The following ESF1 variants were observed in gnomAD, a reference collection of about 807,000 sequenced individuals.
ESF1 encodes the protein ESF1 homolog.
ESF1 carries 58 observed loss-of-function variants against 92.0 expected under a neutral mutation model. The observed-to-expected ratio is 0.63, with a 90% confidence interval of 0.51 to 0.78. ESF1 has a LOEUF of 0.78. ESF1 is among the 30% of genes least tolerant of loss of function. The pLI is 0.00. For missense variants in ESF1, 922 were observed against 989.1 expected (o/e 0.93, Z 0.91); for synonymous variants, 321 against 313.7 (o/e 1.02, Z -0.24).
In ESF1 at chr20:13,739,086, T is replaced by C. The variant is rs76196763; in HGVS notation, c.1829-5244A>G. Among the ~76,000 whole-genome samples, 931 of 152,296 alleles carry C rather than the reference T, an allele frequency of 6.1e-3. 6 individuals carry two copies. The highest frequency in any genetic ancestry group is 0.021 in the African/African-American group (881 of 41,568). On this transcript the variant is annotated intron_variant, in intron 9 of 13. Coordinates refer to ENST00000617257, the MANE Select transcript of ESF1 (RefSeq NM_001276380.2). The stretch of plus-strand genomic sequence containing the variant: ...ATGAGGGTACAGGAAGCTGCTTAGA[T>C]AGGCAATTGCTTCTTATATAACCCT...
intron 4 of ESF1, among the ~76,000 whole-genome samples, chr20:13,774,875 C>T (rs920772736): frequency 6.6e-6 from 1 of 152,002 alleles, no homozygotes; most frequent in African/African-American, 2.4e-5. Flanking sequence ...ATAAGGAATG[C>T]AATTTATTGT....
At chr20:13,728,321 G>A in intron 11 of ESF1, 57 bp downstream of exon 11, 1 of 1,331,046 alleles carries the variant, frequency 7.5e-7, no homozygotes, top group Non-Finnish European at 1.1e-6. Context: ...TTGCTTCCAT[G>A]TACCTCACCT....
intron 4 of ESF1, among the ~76,000 whole-genome samples, chr20:13,774,094 CAA>C (rs1346458775): frequency 7.4e-6 from 1 of 135,170 alleles, no homozygotes; most frequent in Admixed American, 7.5e-5. Context: ...GACTCCATCT[CAA>C]AAAAAAAAAA....
intron 4 of ESF1, 140 bp downstream of exon 4, chr20:13,775,017 T>G (rs183967502): frequency 1.8e-6 from 1 of 568,944 alleles, no homozygotes; most frequent in East Asian, 2.9e-5. Flanking sequence ...ACCTGTTACA[T>G]AAGTTTCACA....
chr20:13,749,297 C>T (rs1228797388), intron 9 of ESF1, among the ~76,000 whole-genome samples: 9 of 140,750 alleles, frequency 6.4e-5, no homozygotes, highest in South Asian at 4.5e-4. Context: ...TGTTGTGATC[C>T]ACCCACCTTG....
chr20:13,771,674 A>C (rs967690068), intron 5 of ESF1, among the ~76,000 whole-genome samples, 191 bp from the exon 6 acceptor site: 19 of 152,114 alleles, frequency 1.2e-4, no homozygotes, highest in Non-Finnish European at 2.2e-4. Flanking sequence ...CAAGGTACAG[A>C]TATTTGGATT....
chr20:13,757,677 T>G (rs1269604251), intron 9 of ESF1, among the ~76,000 whole-genome samples: 2 of 152,220 alleles, frequency 1.3e-5, no homozygotes, highest in Non-Finnish European at 2.9e-5. Context: ...GTGTTGGGAT[T>G]ACAGGTGTGA....
chr20:13,772,766 G>T, intron 4 of ESF1, 151 bp from the exon 5 acceptor site: 1 of 567,656 alleles, frequency 1.8e-6, no homozygotes, highest in Non-Finnish European at 3.1e-6. Flanking sequence ...GGAAGCTAGA[G>T]CATCTTGAGA....
chr20:13,766,777 C>G lies in ESF1; in HGVS notation c.1666G>C (p.Gly556Arg). The G allele has an allele frequency of 6.2e-7, 1 of 1,612,972 alleles. No individual in the cohort carries two copies. Among genetic ancestry groups the G allele is most frequent in the South Asian group, 1.1e-5 (1 of 91,006 alleles). The change falls in exon 8 of 14, where the codon GGT becomes CGT. Residue 556 changes from glycine (G) to arginine (R), a missense_variant and splice_region_variant. By Grantham distance (125) the Gly-to-Arg change is moderately radical (BLOSUM62 -2). Coordinates refer to ENST00000617257, the MANE Select transcript of ESF1 (RefSeq NM_001276380.2). ...DEEEIEEELQ[G>R]DDGVNVEEDG... ...ATGGTCACTGAAAGATTAACAATAC[C>G]TTGTAGCTCCTCTTCTATCTCCTCT...
intron 2 of ESF1, among the ~76,000 whole-genome samples, chr20:13,782,010 G>A (rs1203350962): frequency 6.6e-6 from 1 of 152,142 alleles, no homozygotes; most frequent in Non-Finnish European, 1.5e-5. Flanking sequence ...CCGAATAGCT[G>A]GGACTACAGG....
intron 9 of ESF1, among the ~76,000 whole-genome samples, chr20:13,753,442 T>C (rs1386138329): frequency 1.3e-5 from 2 of 149,714 alleles, no homozygotes; most frequent in African/African-American, 4.9e-5. Context: ...CAGGCTATAC[T>C]AGATAGACTA....
rs2049808642 is a variant in ESF1 at position 13,714,418 on chromosome 20, G to A, written c.*456C>T. On this transcript the variant is annotated 3_prime_UTR_variant, in exon 14 of 14. Transcript: ENST00000617257. Reference sequence around the variant, plus strand: ...AAAGTTCTTGACTTCCATCCTTTATGGCTAGAAAAATAAATTATTTTAATA... The same window carrying A: ...AAAGTTCTTGACTTCCATCCTTTATAGCTAGAAAAATAAATTATTTTAATA... 6.6e-6 allele frequency: 1 copy of A among 152,088 alleles called. No homozygotes were observed. The highest frequency in any genetic ancestry group is 2.4e-5 in the African/African-American group (1 of 41,358). 9.4% of individuals were successfully genotyped at this position (152,088 alleles called of 1,614,324 possible).
intron 10 of ESF1, among the ~76,000 whole-genome samples, chr20:13,733,324 T>C (rs1190819417): frequency 2.0e-5 from 3 of 152,218 alleles, no homozygotes; most frequent in Non-Finnish European, 2.9e-5. Context: ...AGATGGAAAG[T>C]ATGGCATAAT....
chr20:13,717,053 G>A (rs911674301), intron 13 of ESF1, among the ~76,000 whole-genome samples: 2 of 151,684 alleles, frequency 1.3e-5, no homozygotes, highest in East Asian at 1.9e-4. Flanking sequence ...TCCTGACCTC[G>A]TGATCTGCCC....
chr20:13,759,290 CTA>C (rs745543601), intron 9 of ESF1, among the ~76,000 whole-genome samples: 6 of 152,170 alleles, frequency 3.9e-5, no homozygotes, highest in African/African-American at 7.2e-5. Flanking sequence ...AAATCGAAGA[CTA>C]TGTAATACAT....
intron 9 of ESF1, among the ~76,000 whole-genome samples, chr20:13,755,771 T>C (rs1412023027): frequency 6.6e-6 from 1 of 152,212 alleles, no homozygotes. Context: ...AAACCTGTTA[T>C]CAGTTCCCTT....
At chr20:13,748,592 A>ATATATATATATATATATTTT (rs1331098586) in intron 9 of ESF1, among the ~76,000 whole-genome samples, 1 of 95,740 alleles carries the variant, frequency 1.0e-5, no homozygotes, top group African/African-American at 6.4e-5. Context: ...ATATATATAT[A>ATATATATATATATATATTTT]TTTTTTTTTT....
intron 9 of ESF1, among the ~76,000 whole-genome samples, chr20:13,745,610 C>T (rs2050043258): frequency 6.6e-6 from 1 of 152,264 alleles, no homozygotes; most frequent in South Asian, 2.1e-4. Flanking sequence ...TGCCACCACA[C>T]CCAGCTAACT....
At chr20:13,734,398 G>A (rs187507638) in intron 9 of ESF1, among the ~76,000 whole-genome samples, 2 of 152,270 alleles carry the variant, frequency 1.3e-5, no homozygotes, top group East Asian at 3.9e-4. Context: ...CTTTTCTCAA[G>A]CATTCTGTGA....
Sources: allele counts gnomAD v4.1 joint callset (sites outside exome capture counted in the v4.1 genomes callset), GRCh38; gene constraint gnomAD v4.1.1; transcripts MANE v1.5; gene names NCBI Gene and HGNC (gene_info 2026-07-23, HGNC 2026-07-21).